Variants in CNGB1 observed in about 807,000 individuals in gnomAD.
CNGB1 encodes cyclic nucleotide gated channel subunit beta 1.
CNGB1 carries 126 observed loss-of-function variants against 151.7 expected under a neutral mutation model. The ratio of observed to expected loss-of-function variants is 0.83; its 90% CI spans 0.72 to 0.96. The LOEUF (loss-of-function observed/expected upper bound fraction) is 0.96. Among genes scored for constraint, CNGB1 ranks in the 40% least tolerant of loss-of-function variants. CNGB1 has a pLI of 0.00. For synonymous variants in CNGB1, 623 were observed against 635.1 expected (o/e 0.98, Z 0.29); for missense variants, 1,698 against 1,627.0 (o/e 1.04, Z -0.75).
intron 9 of CNGB1, 107 bp downstream of exon 9, chr16:57,960,375 T>G: frequency 7.1e-7 from 1 of 1,412,800 alleles, no homozygotes; most frequent in Non-Finnish European, 9.8e-7. Flanking sequence ...CGTCCTAGTC[T>G]GGGTGGGGGC....
At chr16:57,920,359 G>C in intron 19 of CNGB1, 28 bp downstream of exon 19, 1 of 1,613,518 alleles carries the variant, frequency 6.2e-7, no homozygotes, top group Non-Finnish European at 8.5e-7. Context: ...TCCCCATCCA[G>C]GTAGACCCCC....
At chr16:57,949,472 A>C (rs550883033) in intron 13 of CNGB1, 33 bp from the exon 14 acceptor site, 9 of 1,612,238 alleles carry the variant, frequency 5.6e-6, no homozygotes, top group Non-Finnish European at 1.7e-6. Context: ...AGGTGAGCCC[A>C]CCCGAAGCTG....
chr16:57,885,679 T>A (rs1959911664), intron 32 of CNGB1, among the ~76,000 whole-genome samples: 1 of 151,766 alleles, frequency 6.6e-6, no homozygotes, highest in Non-Finnish European at 1.5e-5. Flanking sequence ...CTGCAACCTC[T>A]GCCTCCCAGG....
Position 57,901,542 on chromosome 16 carries a change from CT to C in CNGB1, c.2877del (p.Val960SerfsTer11), listed in dbSNP as rs1459714478. The part of the protein sequence containing the change: ...AIDVNYNIVS[K>X]VALFQGCDRQ... ...AAAAGGTGTACCTGAAAGAGTGCGACTTTGCTAACGATGTTGTAGTTCACGT... is the reference window on the plus strand; with the variant it reads ...AAAAGGTGTACCTGAAAGAGTGCGACTTGCTAACGATGTTGTAGTTCACGT... On this transcript the variant is annotated frameshift_variant, in exon 28 of 33. Coordinates refer to ENST00000251102, the MANE Select transcript of CNGB1 (RefSeq NM_001297.5). LOFTEE classifies it high-confidence loss of function. 1 of 1,614,066 alleles carries C rather than the reference CT, an allele frequency of 6.2e-7. No homozygotes were observed. The highest frequency in any genetic ancestry group is 1.3e-5 in the African/African-American group (1 of 74,916).
intron 20 of CNGB1, 119 bp downstream of exon 20, chr16:57,918,980 C>G: frequency 6.5e-7 from 1 of 1,545,610 alleles, no homozygotes; most frequent in Non-Finnish European, 8.8e-7. Flanking sequence ...GATCATGAAC[C>G]CAGGTTGTCT....
intron 4 of CNGB1, 40 bp from the exon 5 acceptor site, chr16:57,963,104 C>G (rs1413432952): frequency 1.3e-6 from 2 of 1,505,506 alleles, no homozygotes; most frequent in East Asian, 2.3e-5. Context: ...TCAACTTCCC[C>G]TAGCTCAATG....
chr16:57,917,791 C>T (rs1960917466), intron 20 of CNGB1, among the ~76,000 whole-genome samples: 1 of 138,198 alleles, frequency 7.2e-6, no homozygotes, highest in South Asian at 2.6e-4. Context: ...GCAAGACCCC[C>T]ATCTCTACTT....
chr16:57,917,258 T>G lies in CNGB1; in HGVS notation c.2166+10A>C. The G allele has an allele frequency of 6.2e-7, 1 of 1,609,808 alleles. No homozygotes were observed. Among genetic ancestry groups the G allele is most frequent in the Non-Finnish European group, 8.5e-7 (1 of 1,177,910 alleles). ...CCCGGTCACCCCAACACCACCTGCC[T>G]GTGACTCACAATGATGTCCCCGCCT... On this transcript the variant is annotated intron_variant, in intron 21 of 32. Transcript: ENST00000251102.
At position 57,919,201 on chromosome 16, in the gene CNGB1, C is replaced by T. The variant is rs778235190; in HGVS notation, c.1855G>A (p.Glu619Lys). ...PAPDTKPAEA[E>K]PVEEEHYCDM... ...CAATAGTGCTCCTCTTCCACTGGCTCGGCTTCAGCGGGCTTTGTGTCTGGA... is the reference window on the plus strand; with the variant it reads ...CAATAGTGCTCCTCTTCCACTGGCTTGGCTTCAGCGGGCTTTGTGTCTGGA... Residue 619 changes from glutamate to lysine, a missense_variant, in exon 20 of 33, where the codon GAG becomes AAG. By Grantham distance (56) the Glu-to-Lys change is moderately conservative. Transcript: ENST00000251102. The T allele has an allele frequency of 5.0e-6, 8 of 1,614,076 alleles. No individual in the cohort carries two copies. Among genetic ancestry groups the T allele is most frequent in the East Asian group, 2.2e-5 (1 of 44,892 alleles).
rs147265590 is a variant in CNGB1, at chr16:57,901,940, C to T, written c.2795-315G>A. 4.9e-3 allele frequency among the ~76,000 whole-genome samples: 741 copies of T among 152,318 alleles called. 3 individuals carry two copies. The highest frequency in any genetic ancestry group is 0.017 in the Middle Eastern group (5 of 294). On this transcript the variant is annotated intron_variant, in intron 27 of 32. Transcript: ENST00000251102. ...TCAGCTACTATGTTAGTAGCCCCTG[C>T]GCTGTTGCAATTATTGGTCACCTGT...
At chr16:57,930,194 A>G (rs1484964476) in intron 17 of CNGB1, among the ~76,000 whole-genome samples, 2 of 152,142 alleles carry the variant, frequency 1.3e-5, no homozygotes, top group Admixed American at 6.6e-5. Context: ...ATGTCCATCA[A>G]CAGATAAATA....
intron 25 of CNGB1, among the ~76,000 whole-genome samples, chr16:57,906,066 C>G (rs417989): frequency 0.38 from 57,697 of 152,080 alleles, 12,381 homozygotes; most frequent in East Asian, 0.63. Context: ...AGGGCCTAGA[C>G]ACTGGGCAGT....
rs895427701 is a variant in CNGB1 at position 57,882,473 on chromosome 16, G to A, written c.*1691C>T. The A allele has an allele frequency of 6.6e-6, 1 of 152,030 alleles. No individual in the cohort carries two copies. 9.4% of individuals were successfully genotyped at this position (152,030 alleles called of 1,614,324 possible). A position where few individuals can be genotyped will look rare whatever the true frequency, so the allele number is the denominator to read the frequency against. On this transcript the variant is annotated 3_prime_UTR_variant, in exon 33 of 33. Coordinates refer to ENST00000251102, the MANE Select transcript of CNGB1 (RefSeq NM_001297.5). ...GTTTGGAAATGCTTAGACCAGCCTG[G>A]GGACTCCCACATTCTTTCATTTTTC...
chr16:57,940,224 C>T lies in CNGB1; in HGVS notation c.1209+10G>A, dbSNP rs1961629448. 4 of 1,559,970 alleles carry T rather than the reference C, an allele frequency of 2.6e-6. No homozygotes were observed. Among genetic ancestry groups the T allele is most frequent in the Non-Finnish European group, 2.6e-6 (3 of 1,151,608 alleles). Reference sequence around the variant, plus strand: ...GCCTCAGAGGTGCCAGTGCCTGGTGCTTCTCATACCTGATCTGAAGTGCTC... The same window carrying T: ...GCCTCAGAGGTGCCAGTGCCTGGTGTTTCTCATACCTGATCTGAAGTGCTC... On this transcript the variant is annotated intron_variant, in intron 15 of 32. Transcript: ENST00000251102.
intron 14 of CNGB1, 37 bp downstream of exon 14, chr16:57,949,316 C>T (rs1961887521): frequency 3.1e-6 from 5 of 1,603,822 alleles, no homozygotes; most frequent in Non-Finnish European, 4.2e-6. Flanking sequence ...AACCCCAGCC[C>T]CAGGGCCGTT....
At chr16:57,884,557 G>A (rs1481565118) in intron 32 of CNGB1, 100 bp from the exon 33 acceptor site, 4 of 1,310,064 alleles carry the variant, frequency 3.1e-6, no homozygotes, top group Non-Finnish European at 4.3e-6. Context: ...GACCCCCAAA[G>A]AGGGCAGCGG....
chr16:57,960,641 G>T, intron 8 of CNGB1, 111 bp from the exon 9 acceptor site: 1 of 1,420,572 alleles, frequency 7.0e-7, no homozygotes, highest in Non-Finnish European at 9.7e-7. Flanking sequence ...GGGGATGGGG[G>T]TGGGGGGTGT....
intron 11 of CNGB1, among the ~76,000 whole-genome samples, chr16:57,958,044 G>T (rs1166413958): frequency 6.6e-6 from 1 of 152,210 alleles, no homozygotes; most frequent in Non-Finnish European, 1.5e-5. Context: ...ACATAGGGCT[G>T]CCGGCTCCTG....
At chr16:57,899,018 G>A (rs1348854763) in intron 29 of CNGB1, among the ~76,000 whole-genome samples, 1 of 152,292 alleles carries the variant, frequency 6.6e-6, no homozygotes, top group Non-Finnish European at 1.5e-5. Context: ...ACAAAGACAG[G>A]CATAGAGACC....
Sources: gnomAD v4.1 joint callset for allele counts (sites outside exome capture counted in the v4.1 genomes callset) on GRCh38, gnomAD v4.1.1 for gene constraint, MANE v1.5 for transcripts, NCBI Gene and HGNC (gene_info 2026-07-23, HGNC 2026-07-21) for gene names.